The following ITGAL variants were observed in gnomAD, a reference collection of about 807,000 sequenced individuals.
ITGAL encodes integrin subunit alpha L, also known as integrin alpha-L.
In ITGAL, 68 loss-of-function variants were observed where a neutral mutation model predicts 138.4. The ratio of observed to expected loss-of-function variants is 0.49; its 90% confidence interval spans 0.40 to 0.60. The LOEUF is 0.60. Among genes scored for constraint, ITGAL ranks in the 20% least tolerant of loss-of-function variants. ITGAL has a pLI of 0.00. For missense variants in ITGAL, 1,256 were observed against 1,478.6 expected (o/e 0.85, Z 2.47); for synonymous variants, 561 against 584.3 (o/e 0.96, Z 0.57).
chr16:30,496,267 C>G lies in ITGAL; in HGVS notation c.1674C>G (p.His558Gln). Residue 558 changes from histidine (H) to glutamine (Q), a missense_variant, in exon 14 of 31, where the codon CAC becomes CAG. By Grantham distance (24) the His-to-Gln change is conservative (BLOSUM62 0). Around this residue, in one of 3 missense-constraint regions of ITGAL, gnomAD observed 867 missense variants for 972.5 expected, o/e 0.89. Transcript: ENST00000356798. ...CTGTGTACATCTTCAATGGGAGGCA[C>G]GGGGGGCTTAGTCCCCAGCCAAGTC... ...QGAVYIFNGR[H>Q]GGLSPQPSQR... 6.2e-7 allele frequency: 1 copy of G among 1,601,394 alleles called. No homozygotes were observed. Among genetic ancestry groups the G allele is most frequent in the South Asian group, 1.1e-5 (1 of 89,512 alleles).
Position 30,505,224 on chromosome 16 carries a change from G to A in ITGAL, c.2236-20G>A, listed in dbSNP as rs1345346683. On this transcript the variant is annotated intron_variant, in intron 18 of 30. Transcript: ENST00000356798. ...AGTTAATCTCTCCTCTCTCCATCCTGCCCACTACCCCTCGCTCAGCAGGGC... is the reference window on the plus strand; with the variant it reads ...AGTTAATCTCTCCTCTCTCCATCCTACCCACTACCCCTCGCTCAGCAGGGC... The A allele has an allele frequency of 1.9e-6, 3 of 1,574,084 alleles. No homozygotes were observed. The highest frequency in any genetic ancestry group is 1.3e-5 in the African/African-American group (1 of 74,076).
In ITGAL at chr16:30,489,206, G is replaced by T; in HGVS notation, c.1081-48G>T. On this transcript the variant is annotated intron_variant, in intron 10 of 30. Coordinates refer to ENST00000356798, the MANE Select transcript of ITGAL (RefSeq NM_002209.3). ...CTGCAGGGAGTGCAGTTGGCTCTGG[G>T]GGGTGGGTCGGTGGGTAGCTGACCC... The T allele has an allele frequency of 1.2e-6, 2 of 1,613,948 alleles. 1 individual carries two copies.
intron 17 of ITGAL, 185 bp from the exon 18 acceptor site, chr16:30,503,990 G>T (rs547018454): frequency 1.9e-6 from 1 of 532,408 alleles, no homozygotes; most frequent in East Asian, 3.3e-5. Flanking sequence ...TAACTGTGCT[G>T]AGAAGCCCCC....
At chr16:30,518,507 G>A in intron 28 of ITGAL, 117 bp from the exon 29 acceptor site, 1 of 700,586 alleles carries the variant, frequency 1.4e-6, no homozygotes, top group Non-Finnish European at 2.6e-6. Flanking sequence ...TGTAGAGATG[G>A]GTGCACCCCC....
chr16:30,517,014 C>A lies in ITGAL; in HGVS notation c.2904C>A (p.Thr968=). 1 of 1,613,890 alleles carries A rather than the reference C, an allele frequency of 6.2e-7. No homozygotes were observed. The highest frequency in any genetic ancestry group is 8.5e-7 in the Non-Finnish European group (1 of 1,179,838). The change falls in exon 26 of 31, where the codon ACC becomes ACA. Residue 968 remains threonine (T), a synonymous_variant. Coordinates refer to ENST00000356798, the MANE Select transcript of ITGAL (RefSeq NM_002209.3). ...QPSIHDHNIP[T]LEAVVGVPQP... Reference sequence around the variant, plus strand: ...CCATCCACGACCACAACATACCCACCCTGGAGGCTGTGGTTGGGGTGCCAC... The same window carrying A: ...CCATCCACGACCACAACATACCCACACTGGAGGCTGTGGTTGGGGTGCCAC...
intron 9 of ITGAL, among the ~76,000 whole-genome samples, chr16:30,488,339 T>C (rs2151151021): frequency 6.6e-6 from 1 of 152,104 alleles, no homozygotes; most frequent in East Asian, 1.9e-4. Flanking sequence ...GGGGTGCCAT[T>C]CATTGAAGTG....
chr16:30,505,967 A>G (rs2050984965), intron 20 of ITGAL, among the ~76,000 whole-genome samples: 1 of 152,166 alleles, frequency 6.6e-6, no homozygotes. Flanking sequence ...TAAAACTGAA[A>G]GTCTGAGCAT....
In ITGAL at chr16:30,510,305, C is replaced by T. The variant is rs944225776; in HGVS notation, c.2509-56C>T. Reference sequence around the variant, plus strand: ...GGTAGGCCAGGAGGGCTGGTGGCCTCTGGGGGAAACTTGGCCTTGCTCATT... The same window carrying T: ...GGTAGGCCAGGAGGGCTGGTGGCCTTTGGGGGAAACTTGGCCTTGCTCATT... On this transcript the variant is annotated intron_variant, in intron 21 of 30. Coordinates refer to ENST00000356798, the MANE Select transcript of ITGAL (RefSeq NM_002209.3). 4.8e-6 allele frequency: 5 copies of T among 1,038,412 alleles called. No individual in the cohort carries two copies. The African/African-American group carries it at 7.8e-5, about 16-fold the overall frequency. The allele number at this position is 1,038,412 out of a possible 1,614,324, so 64.3% of individuals were successfully genotyped here.
In ITGAL at chr16:30,489,147, C is replaced by T; in HGVS notation, c.1072C>T (p.Leu358Phe). ...ELSSSGISAD[L>F]SRGHAVVGAV... ...GTCCTCCAGCGGCATCAGTGCTGAC[C>T]TCAGCAGGGTGCGTGCTGGGCTGGA... The change falls in exon 10 of 31, where the codon CTC becomes TTC. Residue 358 changes from leucine to phenylalanine, a missense_variant. Physicochemically the swap from Leu to Phe is conservative, Grantham distance 22. Coordinates refer to ENST00000356798, the MANE Select transcript of ITGAL (RefSeq NM_002209.3). 6.2e-7 allele frequency: 1 copy of T among 1,614,088 alleles called. No homozygotes were observed. Among genetic ancestry groups the T allele is most frequent in the Non-Finnish European group, 8.5e-7 (1 of 1,180,000 alleles).
At position 30,511,104 on chromosome 16, in the gene ITGAL, C is replaced by T. The variant is rs750192109; in HGVS notation, c.2754C>T (p.Pro918=). 1.5e-5 allele frequency: 24 copies of T among 1,613,928 alleles called. No homozygotes were observed. The highest frequency in any genetic ancestry group is 2.2e-5 in the East Asian group (1 of 44,864). Residue 918 remains proline (P), a synonymous_variant, in exon 24 of 31, where the codon CCC becomes CCT. Coordinates refer to ENST00000356798, the MANE Select transcript of ITGAL (RefSeq NM_002209.3). ...ACAACTCAGCCACTACCATCATCCC[C>T]ATCCTGTACCCCATCAACATCCTCA... The part of the protein sequence containing the change: ...LEDNSATTII[P]ILYPINILIQ...
In ITGAL at chr16:30,506,754, T is replaced by C. The variant is rs1276876296; in HGVS notation, c.2406T>C (p.Ser802=). 1.9e-6 allele frequency: 3 copies of C among 1,613,758 alleles called. No individual in the cohort carries two copies. Among genetic ancestry groups the C allele is most frequent in the Non-Finnish European group, 2.5e-6 (3 of 1,179,902 alleles). Residue 802 remains serine (S), a synonymous_variant, in exon 21 of 31, where the codon TCT becomes TCC. Coordinates refer to ENST00000356798, the MANE Select transcript of ITGAL (RefSeq NM_002209.3). ...GTCTAACTGCTTTTGCCAGCCTCTC[T>C]GTGGAGCTGAGCCTGAGTAACTTGG... is the stretch of plus-strand genomic sequence containing the variant. ...ALRLTAFASL[S]VELSLSNLEE... is the part of the protein sequence containing the mutation.
chr16:30,484,254 G>T lies in ITGAL; in HGVS notation c.997G>T (p.Val333Phe). ...CACTGAGCTGCAGAAGAAGATCTATGTCATTGAGGGTGAGTGGCAGGCCCT... is the reference window on the plus strand; with the variant it reads ...CACTGAGCTGCAGAAGAAGATCTATTTCATTGAGGGTGAGTGGCAGGCCCT... ...LFTELQKKIYVIEGTSKQDLT... is the reference protein window; with the variant it reads ...LFTELQKKIYFIEGTSKQDLT... Residue 333 changes from valine to phenylalanine, a missense_variant, in exon 9 of 31, where the codon GTC becomes TTC. By Grantham distance (50) the Val-to-Phe change is conservative. Around this residue, in one of 3 missense-constraint regions of ITGAL, gnomAD observed 177 missense variants for 288.8 expected, o/e 0.61. Coordinates refer to ENST00000356798, the MANE Select transcript of ITGAL (RefSeq NM_002209.3). The T allele has an allele frequency of 6.2e-7, 1 of 1,612,818 alleles. No individual in the cohort carries two copies. Among genetic ancestry groups the T allele is most frequent in the Non-Finnish European group, 8.5e-7 (1 of 1,179,038 alleles).
intron 17 of ITGAL, among the ~76,000 whole-genome samples, chr16:30,499,733 A>ATATTTTT: frequency 4.5e-5 from 4 of 88,386 alleles, no homozygotes; most frequent in African/African-American, 6.0e-5. Context: ...ATATATATAT[A>ATATTTTT]TTTTTTTTTT....
intron 30 of ITGAL, among the ~76,000 whole-genome samples, 159 bp downstream of exon 30, chr16:30,520,126 G>C (rs140131819): frequency 2.0e-5 from 3 of 152,138 alleles, no homozygotes; most frequent in African/African-American, 4.8e-5. Context: ...AACAGAGAAG[G>C]CTACTGAGGT....
chr16:30,499,399 G>A lies in ITGAL; in HGVS notation c.2055G>A (p.Arg685=). 3.1e-6 allele frequency: 5 copies of A among 1,614,082 alleles called. No homozygotes were observed. Among genetic ancestry groups the A allele is most frequent in the Non-Finnish European group, 4.2e-6 (5 of 1,180,036 alleles). Residue 685 remains arginine (R), a synonymous_variant, in exon 17 of 31, where the codon CGG becomes CGA. Transcript: ENST00000356798. ...TGGATGGCCACCGGACCAGAAGACG[G>A]GGGTTGTTCCCAGGAGGGAGACATG... ...LQLDGHRTRR[R]GLFPGGRHEL... is the part of the protein sequence containing the mutation.
chr16:30,483,057 G>C (rs1383894107), intron 7 of ITGAL: 1 of 152,014 alleles, frequency 6.6e-6, no homozygotes, highest in Non-Finnish European at 1.5e-5. Flanking sequence ...GAACTCCCAG[G>C]GCAGAAATTT....
intron 18 of ITGAL, chr16:30,504,998 G>A (rs1267638482): frequency 3.5e-6 from 1 of 286,094 alleles, no homozygotes; most frequent in Non-Finnish European, 6.4e-6. Context: ...TCCAGCCTGG[G>A]CAACAGAGTA....
Position 30,514,573 on chromosome 16 carries a change from G to A in ITGAL, c.2862+727G>A, listed in dbSNP as rs142048196. On this transcript the variant is annotated intron_variant, in intron 25 of 30. Coordinates refer to ENST00000356798, the MANE Select transcript of ITGAL (RefSeq NM_002209.3). ...ATTACAGGCATGAGCCACCGCACCC[G>A]GCCCTATGCCCAGCTAACTTTTGTA... 3.5e-3 allele frequency among the ~76,000 whole-genome samples: 526 copies of A among 152,056 alleles called. 2 individuals carry two copies. Among genetic ancestry groups the A allele is most frequent in the African/African-American group, 0.012 (497 of 41,484 alleles).
chr16:30,481,860 A>G (rs985444967), intron 7 of ITGAL, among the ~76,000 whole-genome samples: 1 of 152,070 alleles, frequency 6.6e-6, no homozygotes, highest in Non-Finnish European at 1.5e-5. Flanking sequence ...TTTTGAGCCC[A>G]GAAGTTTTTG....
Sources: allele counts gnomAD v4.1 joint callset (sites outside exome capture counted in the v4.1 genomes callset), GRCh38; gene constraint gnomAD v4.1.1; regional missense constraint gnomAD v4.1.1; transcripts MANE v1.5; gene names NCBI Gene and HGNC (gene_info 2026-07-23, HGNC 2026-07-21).